The following ADAMTSL1 variants were observed in gnomAD, a reference collection of about 807,000 sequenced individuals.
ADAMTSL1 encodes the protein ADAMTS like 1.
In ADAMTSL1, 126 loss-of-function variants were observed where a neutral mutation model predicts 201.8. The observed-to-expected ratio is 0.62, with a 90% CI of 0.54 to 0.72. The LOEUF is 0.72. Among genes scored for constraint, ADAMTSL1 ranks in the 30% least tolerant of loss-of-function variants. ADAMTSL1 has a pLI of 0.00. For synonymous variants in ADAMTSL1, 1,121 were observed against 903.4 expected (o/e 1.24, Z -4.32); for missense variants, 2,679 against 2,277.8 (o/e 1.18, Z -3.59).
chr9:18,509,186 G>C (rs1282584166), intron 2 of ADAMTSL1, among the ~76,000 whole-genome samples: 1 of 32,340 alleles, frequency 3.1e-5, no homozygotes, highest in Non-Finnish European at 5.0e-5. Flanking sequence ...GCGAGACTCC[G>C]TCTCAAAAAA....
chr9:18,154,706 C>T (rs934927420), intron 1 of ADAMTSL1, among the ~76,000 whole-genome samples: 1 of 152,024 alleles, frequency 6.6e-6, no homozygotes, highest in Non-Finnish European at 1.5e-5. Flanking sequence ...TAACTTAGGA[C>T]TTGAGAGACA....
chr9:18,816,987 T>C, intron 20 of ADAMTSL1, 122 bp from the exon 21 acceptor site: 2 of 1,277,716 alleles, frequency 1.6e-6, no homozygotes, highest in Non-Finnish European at 2.1e-6. Flanking sequence ...AGAGAAAACA[T>C]AGTTAGTGGC....
intron 2 of ADAMTSL1, among the ~76,000 whole-genome samples, chr9:18,179,930 T>A (rs901021791): frequency 1.3e-5 from 2 of 151,832 alleles, no homozygotes; most frequent in Admixed American, 1.3e-4. Flanking sequence ...CATGCCAAAT[T>A]GTAAAGACCA....
chr9:18,580,279 T>C (rs1823015858), intron 4 of ADAMTSL1, among the ~76,000 whole-genome samples: 1 of 152,140 alleles, frequency 6.6e-6, no homozygotes, highest in African/African-American at 2.4e-5. Flanking sequence ...AAATGAACCA[T>C]ATTTCTAACA....
intron 2 of ADAMTSL1, among the ~76,000 whole-genome samples, chr9:18,519,315 G>A (rs10810975): frequency 0.54 from 82,082 of 151,990 alleles, 22,524 homozygotes; most frequent in East Asian, 0.77. Flanking sequence ...AATTTACTGA[G>A]TTAAACATAG....
chr9:18,660,926 G>T (rs1054237286), intron 8 of ADAMTSL1, among the ~76,000 whole-genome samples: 2 of 151,956 alleles, frequency 1.3e-5, no homozygotes, highest in Non-Finnish European at 2.9e-5. Context: ...TCTTTTGCAA[G>T]TCCCTTAATG....
chr9:18,561,876 A>G (rs964634605), intron 3 of ADAMTSL1, among the ~76,000 whole-genome samples: 1 of 152,132 alleles, frequency 6.6e-6, no homozygotes, highest in Non-Finnish European at 1.5e-5. Flanking sequence ...TTTGCTTGGT[A>G]AATATTCCTC....
At chr9:18,050,721 G>A (rs1821894821) in intron 1 of ADAMTSL1, among the ~76,000 whole-genome samples, 1 of 152,124 alleles carries the variant, frequency 6.6e-6, no homozygotes, top group African/African-American at 2.4e-5. Flanking sequence ...TTGAGACCCA[G>A]AGGGAAATCT....
At chr9:17,967,291 G>C (rs1373710822) in intron 1 of ADAMTSL1, among the ~76,000 whole-genome samples, 1 of 151,992 alleles carries the variant, frequency 6.6e-6, no homozygotes, top group East Asian at 1.9e-4. Flanking sequence ...GCAACTTATA[G>C]TAATTTGTAC....
At chr9:18,574,502 A>C in intron 4 of ADAMTSL1, 1 of 586,412 alleles carries the variant, frequency 1.7e-6, no homozygotes, top group Non-Finnish European at 3.0e-6. Flanking sequence ...TTGAATATAA[A>C]AGAATAAAAA....
intron 26 of ADAMTSL1, among the ~76,000 whole-genome samples, chr9:18,902,027 A>G (rs760579864): frequency 6.6e-6 from 1 of 152,254 alleles, no homozygotes; most frequent in Non-Finnish European, 1.5e-5. Flanking sequence ...AACAACATAG[A>G]CTATACAGTG....
At chr9:18,019,555 A>G (rs1820396138) in intron 1 of ADAMTSL1, among the ~76,000 whole-genome samples, 1 of 152,072 alleles carries the variant, frequency 6.6e-6, no homozygotes, top group South Asian at 2.1e-4. Flanking sequence ...TAGGGCCTCT[A>G]AGAAGATTAA....
intron 2 of ADAMTSL1, among the ~76,000 whole-genome samples, chr9:18,170,021 T>G (rs938557429): frequency 3.9e-5 from 6 of 152,006 alleles, no homozygotes; most frequent in Admixed American, 3.9e-4. Context: ...TTTGCTACTT[T>G]GAGTTATATG....
intron 17 of ADAMTSL1, 118 bp downstream of exon 17, chr9:18,770,899 A>C (rs951387324): frequency 8.8e-7 from 1 of 1,135,612 alleles, no homozygotes; most frequent in African/African-American, 1.6e-5. Flanking sequence ...ATTATGGAAT[A>C]GTATTTTTGT....
At chr9:18,018,684 C>G (rs1262090238) in intron 1 of ADAMTSL1, among the ~76,000 whole-genome samples, 3 of 152,050 alleles carry the variant, frequency 2.0e-5, no homozygotes, top group Non-Finnish European at 4.4e-5. Flanking sequence ...CCAATTGAGT[C>G]TTCGGATGAG....
At chr9:17,973,056 G>T (rs1302386274) in intron 1 of ADAMTSL1, among the ~76,000 whole-genome samples, 1 of 15,754 alleles carries the variant, frequency 6.3e-5, no homozygotes, top group Non-Finnish European at 1.9e-4. Context: ...TGTAGATTCT[G>T]GATATTAACC....
chr9:18,227,207 T>A (rs925627046), intron 2 of ADAMTSL1, among the ~76,000 whole-genome samples: 3 of 152,156 alleles, frequency 2.0e-5, no homozygotes, highest in East Asian at 3.9e-4. Context: ...ATATCCATGC[T>A]AAATCGCTTA....
chr9:18,020,575 C>A (rs901623530), intron 1 of ADAMTSL1, among the ~76,000 whole-genome samples: 4 of 152,080 alleles, frequency 2.6e-5, no homozygotes. Context: ...ACCATCAGCT[C>A]TTATGAGAAC....
intron 1 of ADAMTSL1, among the ~76,000 whole-genome samples, chr9:18,037,663 T>C (rs1821257972): frequency 6.6e-6 from 1 of 152,190 alleles, no homozygotes; most frequent in African/African-American, 2.4e-5. Flanking sequence ...CTCTGAAGAA[T>C]TCCAGCCTAT....
Sources: allele counts gnomAD v4.1 joint callset (sites outside exome capture counted in the v4.1 genomes callset), GRCh38; gene constraint gnomAD v4.1.1; transcripts MANE v1.5; gene names NCBI Gene and HGNC (gene_info 2026-07-23, HGNC 2026-07-21).